Variants in XPR1 observed in about 807,000 individuals in gnomAD.
XPR1 encodes solute carrier family 53 member 1.
Under a neutral mutation model 87.5 loss-of-function variants are expected in XPR1, and 28 were observed. The observed-to-expected ratio is 0.32, with a 90% confidence interval of 0.24 to 0.44. The LOEUF (loss-of-function observed/expected upper bound fraction) is 0.44. XPR1 is among the 20% of genes least tolerant of loss of function. The probability of loss-of-function intolerance (pLI) is 1.00; values close to 1 mark genes in which losing one functional copy is unlikely to be tolerated. For missense variants in XPR1, 559 were observed against 862.3 expected, an observed-to-expected ratio of 0.65 and a Z score of 4.41; for synonymous variants, 300 against 306.1, an observed-to-expected ratio of 0.98 and a Z score of 0.21.
chr1:180,646,077 C>T (rs971156757), intron 1 of XPR1, among the ~76,000 whole-genome samples: 5 of 152,218 alleles, frequency 3.3e-5, no homozygotes, highest in African/African-American at 7.2e-5. Flanking sequence ...TTGTTAACGT[C>T]GGTAGACTTG....
At chr1:180,782,526 A>G (rs1648979591) in intron 2 of XPR1, among the ~76,000 whole-genome samples, 1 of 151,998 alleles carries the variant, frequency 6.6e-6, no homozygotes, top group Non-Finnish European at 1.5e-5. Context: ...AGAAAGAGAC[A>G]GAGAGAGAGA....
chr1:180,724,416 T>TA (rs1658269891), intron 2 of XPR1, among the ~76,000 whole-genome samples: 1 of 152,216 alleles, frequency 6.6e-6, no homozygotes, highest in South Asian at 2.1e-4. Flanking sequence ...CAGCCTGAAT[T>TA]ATATTTGTCT....
At chr1:180,773,122 A>G (rs995296473) in intron 2 of XPR1, among the ~76,000 whole-genome samples, 53 of 152,164 alleles carry the variant, frequency 3.5e-4, no homozygotes, top group African/African-American at 1.2e-3. Context: ...GAATATGCTC[A>G]GGGTTATGTT....
chr1:180,761,679 T>C (rs1648037603), intron 2 of XPR1, among the ~76,000 whole-genome samples: 1 of 152,172 alleles, frequency 6.6e-6, no homozygotes, highest in African/African-American at 2.4e-5. Context: ...GGTGGGACTG[T>C]AAACTAGTTC....
intron 2 of XPR1, among the ~76,000 whole-genome samples, chr1:180,775,311 C>G (rs1279034939): frequency 6.6e-6 from 1 of 152,076 alleles, no homozygotes; most frequent in Non-Finnish European, 1.5e-5. Context: ...GGGCCGAGCA[C>G]CATGGCTCCC....
At chr1:180,685,277 T>C (rs928958777) in intron 2 of XPR1, among the ~76,000 whole-genome samples, 4 of 152,098 alleles carry the variant, frequency 2.6e-5, no homozygotes, top group Non-Finnish European at 4.4e-5. Flanking sequence ...TGTTTATATG[T>C]TGGATTACAT....
chr1:180,876,255 A>G (rs1027297708), intron 13 of XPR1, among the ~76,000 whole-genome samples: 1 of 152,244 alleles, frequency 6.6e-6, no homozygotes, highest in African/African-American at 2.4e-5. Flanking sequence ...AAAAATCCTG[A>G]ATGAAATATT....
chr1:180,823,367 G>A (rs1172200900), intron 7 of XPR1, among the ~76,000 whole-genome samples: 2 of 152,058 alleles, frequency 1.3e-5, no homozygotes, highest in East Asian at 1.9e-4. Context: ...GGCTTAAAAC[G>A]AAATATGTTG....
chr1:180,755,836 T>A (rs1647717485), intron 2 of XPR1, among the ~76,000 whole-genome samples: 1 of 150,750 alleles, frequency 6.6e-6, no homozygotes, highest in South Asian at 2.1e-4. Flanking sequence ...AGTGCAGTGA[T>A]CTTTAGGAAG....
At chr1:180,837,558 A>G (rs1651342982) in intron 11 of XPR1, among the ~76,000 whole-genome samples, 1 of 152,198 alleles carries the variant, frequency 6.6e-6, no homozygotes, top group African/African-American at 2.4e-5. Context: ...TCTAACGGTC[A>G]TAAAAGATCA....
rs1652291026 is a variant in XPR1, at chr1:180,863,634, AT to A, written c.1502-72del. On this transcript the variant is annotated intron_variant, in intron 11 of 14. Transcript: ENST00000367590. ...GGAGCTATTTTAAGAATCTGTTTTA[AT>A]TAGTGTTATTAATGAAAAATTTTAC... 3.5e-5 allele frequency: 47 copies of A among 1,342,078 alleles called. No individual in the cohort carries two copies. The South Asian group carries it at 6.3e-4, about 18-fold the overall frequency. The allele number at this position is 1,342,078 out of a possible 1,614,324, so 83.1% of individuals were successfully genotyped here. A position where few individuals can be genotyped will look rare whatever the true frequency, so the allele number is the denominator to read the frequency against.
At chr1:180,679,196 A>T (rs1293714055) in intron 1 of XPR1, among the ~76,000 whole-genome samples, 1 of 151,976 alleles carries the variant, frequency 6.6e-6, no homozygotes, top group Admixed American at 6.6e-5. Flanking sequence ...CTCCATCTCA[A>T]AAAACAAAAA....
At chr1:180,689,038 A>G (rs531631411) in intron 2 of XPR1, among the ~76,000 whole-genome samples, 3 of 152,340 alleles carry the variant, frequency 2.0e-5, no homozygotes, top group South Asian at 2.1e-4. Flanking sequence ...GTTTAAAAGC[A>G]TAAGTGTTTT....
chr1:180,754,014 G>T (rs1289235431), intron 2 of XPR1, among the ~76,000 whole-genome samples: 8 of 151,944 alleles, frequency 5.3e-5, no homozygotes, highest in Non-Finnish European at 7.4e-5. Context: ...CAACTCTCAG[G>T]TCAAATGCCA....
intron 2 of XPR1, among the ~76,000 whole-genome samples, chr1:180,748,944 A>G (rs1647399333): frequency 6.6e-6 from 1 of 152,236 alleles, no homozygotes; most frequent in Non-Finnish European, 1.5e-5. Context: ...CACGCCTATA[A>G]TCCCAGCACT....
chr1:180,686,428 AGGTGT>A (rs1398695093), intron 2 of XPR1, among the ~76,000 whole-genome samples: 8 of 152,130 alleles, frequency 5.3e-5, no homozygotes, highest in African/African-American at 1.9e-4. Context: ...GTTTTGGAGT[AGGTGT>A]GGTGTGGTGC....
intron 2 of XPR1, among the ~76,000 whole-genome samples, chr1:180,718,988 C>T (rs1321136038): frequency 6.6e-6 from 1 of 152,132 alleles, no homozygotes; most frequent in African/African-American, 2.4e-5. Context: ...TTTTAAAGCT[C>T]TTCAGGTCAT....
intron 2 of XPR1, among the ~76,000 whole-genome samples, chr1:180,738,798 T>C (rs1658820023): frequency 6.6e-6 from 1 of 152,340 alleles, no homozygotes; most frequent in Admixed American, 6.5e-5. Context: ...TTGTTGATTT[T>C]GTGACTTGCA....
At chr1:180,784,930 T>C (rs1649078105) in intron 2 of XPR1, among the ~76,000 whole-genome samples, 1 of 151,812 alleles carries the variant, frequency 6.6e-6, no homozygotes, top group Non-Finnish European at 1.5e-5. Context: ...AACATTGTCC[T>C]TCATTTAGCT....
Sources: allele counts gnomAD v4.1 joint callset (sites outside exome capture counted in the v4.1 genomes callset), GRCh38; gene constraint gnomAD v4.1.1; transcripts MANE v1.5; gene names NCBI Gene and HGNC (gene_info 2026-07-23, HGNC 2026-07-21).